Variants in RIPK4 observed in about 807,000 individuals in gnomAD.
RIPK4 encodes receptor-interacting serine/threonine-protein kinase 4.
A neutral mutation model predicts 42.9 loss-of-function variants in RIPK4; 17 were observed. That is an observed-to-expected ratio of 0.40 (90% CI 0.27 to 0.59). The LOEUF is 0.59. Ranked by LOEUF, RIPK4 falls within the 20% of genes least tolerant of loss-of-function variation. RIPK4 has a pLI of 0.47. For synonymous variants in RIPK4, 498 were observed against 499.1 expected, an observed-to-expected ratio of 1.00 and a Z score of 0.03; for missense variants, 897 against 1,104.4, an observed-to-expected ratio of 0.81 and a Z score of 2.66.
chr21:41,766,153 G>A (rs540567897), intron 1 of RIPK4, among the ~76,000 whole-genome samples: 2 of 152,352 alleles, frequency 1.3e-5, no homozygotes, highest in South Asian at 4.1e-4. Context: ...CAGCTAAAAC[G>A]AGAGTGTGCG....
chr21:41,753,655 C>G (rs929696446), intron 2 of RIPK4, among the ~76,000 whole-genome samples: 1 of 152,184 alleles, frequency 6.6e-6, no homozygotes, highest in African/African-American at 2.4e-5. Flanking sequence ...ACACTCTCAT[C>G]AGCACCCGAC....
In RIPK4 at chr21:41,741,353, G is replaced by A. The variant is rs1255352381; in HGVS notation, c.1840C>T (p.Arg614Cys). The stretch of plus-strand genomic sequence containing the variant: ...ATGCGGGCCACGCGGTAGTGCCCGC[G>A]CTGTGCGGCCAGGTGCAATGGCGTC... ...GRTPLHLAAQRGHYRVARILI... is the reference protein window; with the variant it reads ...GRTPLHLAAQCGHYRVARILI... The change falls in exon 8 of 8, where the codon CGC becomes TGC. Residue 614 changes from arginine (R) to cysteine (C), a missense_variant. Coordinates refer to ENST00000332512, the MANE Select transcript of RIPK4 (RefSeq NM_020639.3). The A allele has an allele frequency of 1.2e-6, 2 of 1,610,806 alleles. No homozygotes were observed. Among genetic ancestry groups the A allele is most frequent in the Non-Finnish European group, 8.5e-7 (1 of 1,179,700 alleles).
chr21:41,749,666 C>T (rs970796178), intron 3 of RIPK4, among the ~76,000 whole-genome samples: 2 of 152,116 alleles, frequency 1.3e-5, no homozygotes, highest in Non-Finnish European at 2.9e-5. Flanking sequence ...TTCTGATCAG[C>T]GTTCCTAACG....
In RIPK4 at chr21:41,751,745, C is replaced by T. The variant is rs1049812492; in HGVS notation, c.475-500G>A. ...TGGCTGCAAGTCCTTTAAAGGGAAA[C>T]ACAGAAACACACCTTCAGAAGCCCT... On this transcript the variant is annotated intron_variant, in intron 2 of 7. Coordinates refer to ENST00000332512, the MANE Select transcript of RIPK4 (RefSeq NM_020639.3). This position sits in a 1 kb window ranked among gnomAD's most constrained non-coding sequence, Gnocchi z 4.5. 2.0e-5 allele frequency among the ~76,000 whole-genome samples: 3 copies of T among 152,198 alleles called. No individual in the cohort carries two copies. The highest frequency in any genetic ancestry group is 4.4e-5 in the Non-Finnish European group (3 of 68,040).
At chr21:41,758,199 T>C (rs971611836) in intron 1 of RIPK4, among the ~76,000 whole-genome samples, 6 of 151,666 alleles carry the variant, frequency 4.0e-5, no homozygotes, top group Non-Finnish European at 8.8e-5. Context: ...CACCCAAAAC[T>C]TTTCCATCAT....
Position 41,740,996 on chromosome 21 carries a change from C to T in RIPK4, c.2197G>A (p.Glu733Lys), listed in dbSNP as rs745464966. 9 of 1,610,268 alleles carry T rather than the reference C, an allele frequency of 5.6e-6. No individual in the cohort carries two copies. Among genetic ancestry groups the T allele is most frequent in the South Asian group, 2.2e-5 (2 of 90,992 alleles). The change falls in exon 8 of 8, where the codon GAG becomes AAG. Residue 733 changes from glutamate to lysine, a missense_variant. By Grantham distance (56) the Glu-to-Lys change is moderately conservative. Coordinates refer to ENST00000332512, the MANE Select transcript of RIPK4 (RefSeq NM_020639.3). ...VSADVIDLFD[E>K]QGLSALHLAA... The stretch of plus-strand genomic sequence containing the variant: ...AGGTGCAGCGCGCTGAGCCCCTGCT[C>T]GTCGAACAGGTCAATGACATCGGCG...
At chr21:41,760,731 C>T (rs945582613) in intron 1 of RIPK4, among the ~76,000 whole-genome samples, 4 of 151,642 alleles carry the variant, frequency 2.6e-5, no homozygotes, top group Admixed American at 6.6e-5. Context: ...ACGGTGGACG[C>T]GGGAGCACCC....
At chr21:41,748,266 G>A (rs67791554) in intron 4 of RIPK4, among the ~76,000 whole-genome samples, 20,649 of 152,166 alleles carry the variant, frequency 0.14, 1,821 homozygotes, top group South Asian at 0.24. Flanking sequence ...CCCATACATC[G>A]GCTCCTAGTC....
At chr21:41,754,931 C>T (rs1213808748) in intron 2 of RIPK4, among the ~76,000 whole-genome samples, 1 of 152,226 alleles carries the variant, frequency 6.6e-6, no homozygotes, top group African/African-American at 2.4e-5. Flanking sequence ...AGAGACTCAG[C>T]GAGAACCAGA....
At chr21:41,760,658 G>A (rs2146060125) in intron 1 of RIPK4, among the ~76,000 whole-genome samples, 1 of 152,302 alleles carries the variant, frequency 6.6e-6, no homozygotes, top group Middle Eastern at 3.4e-3. Flanking sequence ...TTGACTGCAT[G>A]TGGAGGGGAG....
Position 41,742,726 on chromosome 21 carries a change from A to T in RIPK4, c.1196-729T>A, listed in dbSNP as rs1199726098. ...GGTGTTAAGAAAACGGAACCCTCCC[A>T]GTCAGGCTTGGTGTCTGAACACTGG... On this transcript the variant is annotated intron_variant, in intron 7 of 7. Transcript: ENST00000332512. The surrounding 1 kb of genome is among the most constrained non-coding windows in gnomAD (Gnocchi z 5.1). Among the ~76,000 whole-genome samples, 2 of 152,212 alleles carry T rather than the reference A, an allele frequency of 1.3e-5. No individual in the cohort carries two copies. The highest frequency in any genetic ancestry group is 2.9e-5 in the Non-Finnish European group (2 of 68,034).
At chr21:41,749,297 T>G (rs2061181056) in intron 3 of RIPK4, 94 bp from the exon 4 acceptor site, 1 of 1,226,096 alleles carries the variant, frequency 8.2e-7, no homozygotes, top group Admixed American at 1.7e-5. Flanking sequence ...ACACCTGTTC[T>G]GAAGCCTTCC....
intron 6 of RIPK4, among the ~76,000 whole-genome samples, chr21:41,744,452 G>A (rs902556666): frequency 6.6e-6 from 1 of 151,050 alleles, no homozygotes; most frequent in African/African-American, 2.4e-5. Context: ...CCCGCACAGC[G>A]CCAGGGAGCT....
chr21:41,747,129 G>A (rs2061174427), intron 4 of RIPK4, among the ~76,000 whole-genome samples: 1 of 152,222 alleles, frequency 6.6e-6, no homozygotes, highest in African/African-American at 2.4e-5. Context: ...AACAGCCCAA[G>A]CCAGCAAAGG....
In RIPK4 at chr21:41,742,124, C is replaced by T. The variant is rs1043528829; in HGVS notation, c.1196-127G>A. On this transcript the variant is annotated intron_variant, in intron 7 of 7. Transcript: ENST00000332512. The surrounding 1 kb of genome is among the most constrained non-coding windows in gnomAD (Gnocchi z 5.1). Reference sequence around the variant, plus strand: ...GCCTCCAGGCTGCTCGCTGGTCACCCGACTGTGTTTGAGCGTTGTCTGTGC... The same window carrying T: ...GCCTCCAGGCTGCTCGCTGGTCACCTGACTGTGTTTGAGCGTTGTCTGTGC... The T allele has an allele frequency of 2.6e-5, 22 of 839,052 alleles. No homozygotes were observed. The highest frequency in any genetic ancestry group is 3.3e-4 in the Middle Eastern group (1 of 3,028). 52.0% of individuals were successfully genotyped at this position (839,052 alleles called of 1,614,324 possible). A position where few individuals can be genotyped will look rare whatever the true frequency, so the allele number is the denominator to read the frequency against.
Position 41,756,560 on chromosome 21 carries a change from C to G in RIPK4, c.439G>C (p.Ala147Pro), listed in dbSNP as rs756838317. 6.2e-7 allele frequency: 1 copy of G among 1,613,698 alleles called. No individual in the cohort carries two copies. The highest frequency in any genetic ancestry group is 8.5e-7 in the Non-Finnish European group (1 of 1,179,794). Residue 147 changes from alanine (A) to proline (P), a missense_variant, in exon 2 of 8, where the codon GCG (alanine) becomes CCG (proline). Coordinates refer to ENST00000332512, the MANE Select transcript of RIPK4 (RefSeq NM_020639.3). ...PPLLHLDLKP[A>P]NILLDAHYHV... ...TAGTGGGCATCCAGCAGGATGTTCG[C>G]GGGCTTGAGGTCCAGGTGCAGGAGT...
rs981591409 is a variant in RIPK4, at chr21:41,742,945, G to A, written c.1195+937C>T. Reference sequence around the variant, plus strand: ...CATCACCCACTGCTTATCTGCCGTCGAACCAGGTCTTCCCCACTGTGTCTA... The same window carrying A: ...CATCACCCACTGCTTATCTGCCGTCAAACCAGGTCTTCCCCACTGTGTCTA... On this transcript the variant is annotated intron_variant, in intron 7 of 7. Transcript: ENST00000332512. This position sits in a 1 kb window ranked among gnomAD's most constrained non-coding sequence, Gnocchi z 5.1. Among the ~76,000 whole-genome samples, 24 of 152,100 alleles carry A rather than the reference G, an allele frequency of 1.6e-4. No individual in the cohort carries two copies. The highest frequency in any genetic ancestry group is 4.2e-4 in the South Asian group (2 of 4,814).
Position 41,740,732 on chromosome 21 carries a change from T to G in RIPK4, c.*106A>C. 8.9e-7 allele frequency: 1 copy of G among 1,129,916 alleles called. No individual in the cohort carries two copies. The highest frequency in any genetic ancestry group is 1.2e-6 in the Non-Finnish European group (1 of 815,502). The allele number at this position is 1,129,916 out of a possible 1,614,324, so 70.0% of individuals were successfully genotyped here. On this transcript the variant is annotated 3_prime_UTR_variant, in exon 8 of 8. Transcript: ENST00000332512. ...CATGTCACCTCTGCTTGGTTAACAT[T>G]TAGGTAAGCCACAACAGGGCCCCAC...
intron 1 of RIPK4, among the ~76,000 whole-genome samples, chr21:41,766,473 G>C (rs1156800070): frequency 2.6e-5 from 4 of 152,182 alleles, no homozygotes; most frequent in African/African-American, 9.6e-5. Context: ...CGCCTCCCAA[G>C]GGCGCGGGTC....
Sources: allele counts gnomAD v4.1 joint callset (sites outside exome capture counted in the v4.1 genomes callset), GRCh38; gene constraint gnomAD v4.1.1; non-coding constraint Gnocchi (gnomAD v3.1); transcripts MANE v1.5; gene names NCBI Gene and HGNC (gene_info 2026-07-23, HGNC 2026-07-21).